Variants in TINAG observed in about 807,000 individuals in gnomAD.
The protein encoded by TINAG is tubulointerstitial nephritis antigen.
A neutral mutation model predicts 72.7 loss-of-function variants in TINAG; 83 were observed. That is an observed-to-expected ratio of 1.14 (90% CI 0.96 to 1.37). The LOEUF (loss-of-function observed/expected upper bound fraction) is 1.37, where lower values mean the gene tolerates loss of function less well. TINAG is among the 40% of genes most tolerant of loss of function. The pLI, the probability that TINAG is intolerant of heterozygous loss-of-function variation, is 0.00. For synonymous variants in TINAG, 234 were observed against 189.9 expected (o/e 1.23, Z -1.91); for missense variants, 685 against 576.6 (o/e 1.19, Z -1.93).
intron 7 of TINAG, 53 bp from the exon 8 acceptor site, chr6:54,351,299 G>C (rs1378596317): frequency 6.6e-7 from 1 of 1,505,750 alleles, no homozygotes; most frequent in Non-Finnish European, 9.2e-7. Flanking sequence ...CAATCAATGG[G>C]TTTAGTATGC....
At position 54,349,888 on chromosome 6, in the gene TINAG, T is replaced by C. The variant is rs756830117; in HGVS notation, c.1072T>C (p.Ser358Pro). 4 of 1,558,520 alleles carry C rather than the reference T, an allele frequency of 2.6e-6. No individual in the cohort carries two copies. The South Asian group carries it at 3.7e-5, about 14-fold the overall frequency. Reference sequence around the variant, plus strand: ...TCAATGTTCTCCTCCATACAGAGTCTCTTCCAACGTAAGTATAAATGGCAA... The same window carrying C: ...TCAATGTTCTCCTCCATACAGAGTCCCTTCCAACGTAAGTATAAATGGCAA... ...IYQCSPPYRV[S>P]SNETEIMKEI... Residue 358 changes from serine to proline, a missense_variant, in exon 7 of 11, where the codon TCT becomes CCT. Coordinates refer to ENST00000259782, the MANE Select transcript of TINAG (RefSeq NM_014464.4).
At chr6:54,333,057 G>A (rs756701047) in intron 4 of TINAG, among the ~76,000 whole-genome samples, 1 of 152,004 alleles carries the variant, frequency 6.6e-6, no homozygotes, top group Non-Finnish European at 1.5e-5. Flanking sequence ...GGAGGCAGTG[G>A]GGCAGTTCCT....
At position 54,360,316 on chromosome 6, in the gene TINAG, A is replaced by G. The variant is rs1179281574; in HGVS notation, c.1250+5680A>G. ...ATAGATGCATTTAATTGAATAAATA[A>G]CACTATTTATTTTGAAATACGGCCT... On this transcript the variant is annotated intron_variant, in intron 9 of 10. Transcript: ENST00000259782. Among the ~76,000 whole-genome samples the G allele has an allele frequency of 4.0e-5, 6 of 151,836 alleles. No individual in the cohort carries two copies. The South Asian group carries it at 1.2e-3, about 32-fold the overall frequency.
intron 10 of TINAG, 107 bp from the exon 11 acceptor site, chr6:54,389,684 T>C: frequency 7.5e-7 from 1 of 1,333,238 alleles, no homozygotes; most frequent in Admixed American, 2.4e-5. Flanking sequence ...AATTATAGTC[T>C]ATGATAAATC....
intron 1 of TINAG, among the ~76,000 whole-genome samples, chr6:54,318,980 G>A (rs1784432154): frequency 6.6e-6 from 1 of 152,074 alleles, no homozygotes; most frequent in African/African-American, 2.4e-5. Context: ...ATTAAATTTA[G>A]TGTTGATGAT....
At chr6:54,388,580 C>T (rs74692021) in intron 10 of TINAG, among the ~76,000 whole-genome samples, 2,375 of 152,058 alleles carry the variant, frequency 0.016, 64 homozygotes, top group African/African-American at 0.054. Context: ...AAATGGGAGG[C>T]GAGTGTGAGA....
chr6:54,322,137 T>A (rs541942047), intron 3 of TINAG, among the ~76,000 whole-genome samples: 1 of 152,148 alleles, frequency 6.6e-6, no homozygotes, highest in East Asian at 1.9e-4. Flanking sequence ...AGACCCCATC[T>A]CTACTAAAAA....
At chr6:54,328,736 A>G (rs1445305353) in intron 4 of TINAG, among the ~76,000 whole-genome samples, 3 of 152,058 alleles carry the variant, frequency 2.0e-5, no homozygotes, top group South Asian at 4.1e-4. Context: ...AAAAGGTTAC[A>G]GGAACTACTA....
At chr6:54,351,513 CCAAAAGGCTT>C (rs1785266549) in intron 8 of TINAG, 116 bp downstream of exon 8, 2 of 881,706 alleles carry the variant, frequency 2.3e-6, no homozygotes, top group Non-Finnish European at 3.4e-6. Flanking sequence ...TTAAGAGTAT[CCAAAAGGCTT>C]CAACAGTTCT....
chr6:54,339,357 TCATATAA>T (rs1784943800), intron 4 of TINAG, among the ~76,000 whole-genome samples: 1 of 152,174 alleles, frequency 6.6e-6, no homozygotes, highest in Non-Finnish European at 1.5e-5. Context: ...ATTTCCAAGG[TCATATAA>T]TGGTTCAACA....
At chr6:54,361,859 A>T (rs980297430) in intron 9 of TINAG, among the ~76,000 whole-genome samples, 2 of 151,726 alleles carry the variant, frequency 1.3e-5, no homozygotes, top group African/African-American at 4.8e-5. Flanking sequence ...AAATAGAAAA[A>T]GTTTTAGTGG....
chr6:54,317,859 A>G (rs1450743502), intron 1 of TINAG, among the ~76,000 whole-genome samples: 2 of 151,886 alleles, frequency 1.3e-5, no homozygotes, highest in Non-Finnish European at 2.9e-5. Flanking sequence ...CTGCTACTTC[A>G]CTGAAATCTC....
At position 54,312,723 on chromosome 6, in the gene TINAG, G is replaced by A. The variant is rs183419587; in HGVS notation, c.355+3818G>A. Among the ~76,000 whole-genome samples, 227 of 152,132 alleles carry A rather than the reference G, an allele frequency of 1.5e-3. 1 individual carries two copies. The highest frequency in any genetic ancestry group is 5.1e-3 in the African/African-American group (210 of 41,498). On this transcript the variant is annotated intron_variant, in intron 1 of 10. Transcript: ENST00000259782. ...TGAATCAGAAATATTTAAAAACCAG[G>A]ATTTTTTATTTAAAAATCCAGATGT...
In TINAG at chr6:54,354,716, A is replaced by C. The variant is rs73444782; in HGVS notation, c.1250+80A>C. The stretch of plus-strand genomic sequence containing the variant: ...AAGAATATGCAGTGTTTTAAATGCT[A>C]GAATCCCCTTTGTAGGAGAGATTGT... On this transcript the variant is annotated intron_variant, in intron 9 of 10. Coordinates refer to ENST00000259782, the MANE Select transcript of TINAG (RefSeq NM_014464.4). The C allele has an allele frequency of 2.7e-5, 38 of 1,405,836 alleles. No homozygotes were observed. The African/African-American group carries it at 5.4e-4, about 20-fold the overall frequency. 87.1% of individuals were successfully genotyped at this position (1,405,836 alleles called of 1,614,324 possible). A position where few individuals can be genotyped will look rare whatever the true frequency, so the allele number is the denominator to read the frequency against.
intron 1 of TINAG, among the ~76,000 whole-genome samples, chr6:54,312,121 A>G (rs1784273197): frequency 6.6e-6 from 1 of 151,884 alleles, no homozygotes; most frequent in Non-Finnish European, 1.5e-5. Flanking sequence ...CAGTGGCGCC[A>G]TCATGGCTCA....
intron 5 of TINAG, among the ~76,000 whole-genome samples, chr6:54,346,731 TTTATA>T (rs1785132597): frequency 6.6e-6 from 1 of 151,970 alleles, no homozygotes; most frequent in Non-Finnish European, 1.5e-5. Context: ...ATAATTTTCA[TTTATA>T]TTATGAGCAC....
chr6:54,356,381 AC>A (rs1763042307), intron 9 of TINAG, among the ~76,000 whole-genome samples: 1 of 151,860 alleles, frequency 6.6e-6, no homozygotes, highest in Non-Finnish European at 1.5e-5. Context: ...TAAAAAAAAT[AC>A]AAAAATTAGC....
At chr6:54,363,316 G>T (rs143550109) in intron 9 of TINAG, among the ~76,000 whole-genome samples, 3 of 151,682 alleles carry the variant, frequency 2.0e-5, no homozygotes, top group Non-Finnish European at 4.4e-5. Context: ...TTTAAAGATT[G>T]CTCTGAGTAT....
rs1162242797 is a variant in TINAG at position 54,308,859 on chromosome 6, T to C, written c.309T>C (p.Arg103=). Reference sequence around the variant, plus strand: ...GTCCTGACTACAAGTCCTTTTGCCGTGAAGAGAAAGAATGGCCTCCTCACA... The same window carrying C: ...GTCCTGACTACAAGTCCTTTTGCCGCGAAGAGAAAGAATGGCCTCCTCACA... ...DCCPDYKSFC[R]EEKEWPPHTQ... is the part of the protein sequence containing the mutation. Residue 103 remains arginine, a synonymous_variant, in exon 1 of 11, where the codon CGT becomes CGC. Transcript: ENST00000259782. 1 of 1,613,472 alleles carries C rather than the reference T, an allele frequency of 6.2e-7. No homozygotes were observed. Among genetic ancestry groups the C allele is most frequent in the Admixed American group, 1.7e-5 (1 of 59,920 alleles).
Sources: allele counts gnomAD v4.1 joint callset (sites outside exome capture counted in the v4.1 genomes callset), GRCh38; gene constraint gnomAD v4.1.1; transcripts MANE v1.5; gene names NCBI Gene and HGNC (gene_info 2026-07-23, HGNC 2026-07-21).